Variants in KIDINS220 observed in about 807,000 individuals in gnomAD.
The protein encoded by KIDINS220 is kinase D-interacting substrate of 220 kDa.
KIDINS220 carries 63 observed loss-of-function variants against 157.6 expected under a neutral mutation model. That is an observed-to-expected ratio of 0.40 (90% CI 0.33 to 0.49). The LOEUF (loss-of-function observed/expected upper bound fraction) is 0.49. Among genes scored for constraint, KIDINS220 ranks in the 20% least tolerant of loss-of-function variants. The pLI, the probability that KIDINS220 is intolerant of heterozygous loss-of-function variation, is 0.66. For synonymous variants in KIDINS220, 732 were observed against 783.6 expected (o/e 0.93, Z 1.10); for missense variants, 1,772 against 2,171.2 (o/e 0.82, Z 3.65).
intron 15 of KIDINS220, among the ~76,000 whole-genome samples, chr2:8,788,129 T>C (rs925162980): frequency 4.6e-5 from 7 of 152,224 alleles, no homozygotes; most frequent in Non-Finnish European, 1.0e-4. Flanking sequence ...TATGGAAAGG[T>C]GCCTCTGATC....
intron 26 of KIDINS220, among the ~76,000 whole-genome samples, chr2:8,744,388 AATATATATATATAATATATATATATATAT>A (rs1666199957): frequency 3.8e-5 from 1 of 26,160 alleles, no homozygotes; most frequent in African/African-American, 1.9e-4. Flanking sequence ...AAAAAAAAAA[AATATATATATATAATATATATATATATAT>A]ATATATATAT....
chr2:8,829,613 C>T (rs1228162714), intron 1 of KIDINS220, among the ~76,000 whole-genome samples: 2 of 151,964 alleles, frequency 1.3e-5, no homozygotes, highest in South Asian at 4.2e-4. Flanking sequence ...CAGAAAAATG[C>T]TCATGATAGA....
rs577434019 is a variant in KIDINS220, at chr2:8,822,312, T to C, written c.109-3519A>G. Reference sequence around the variant, plus strand: ...AACTAAAACATTTCGAAATCCTCCTTTGAAATTTCCTTTAAAGTCTATTTA... The same window carrying C: ...AACTAAAACATTTCGAAATCCTCCTCTGAAATTTCCTTTAAAGTCTATTTA... On this transcript the variant is annotated intron_variant, in intron 2 of 29. Coordinates refer to ENST00000256707, the MANE Select transcript of KIDINS220 (RefSeq NM_020738.4). Among the ~76,000 whole-genome samples, 43 of 152,312 alleles carry C rather than the reference T, an allele frequency of 2.8e-4. 1 individual carries two copies. The South Asian group carries it at 8.5e-3, about 30-fold the overall frequency.
At chr2:8,764,817 C>G (rs1189576973) in intron 22 of KIDINS220, among the ~76,000 whole-genome samples, 2 of 152,202 alleles carry the variant, frequency 1.3e-5, no homozygotes, top group African/African-American at 2.4e-5. Context: ...ATACCCACTA[C>G]TGCCTAAATA....
At position 8,788,828 on chromosome 2, in the gene KIDINS220, TAA is replaced by T. The variant is rs1471247879; in HGVS notation, c.1622-18_1622-17del. The T allele has an allele frequency of 6.2e-7, 1 of 1,610,362 alleles. No homozygotes were observed. The highest frequency in any genetic ancestry group is 8.5e-7 in the Non-Finnish European group (1 of 1,178,414). On this transcript the variant is annotated splice_polypyrimidine_tract_variant and intron_variant, in intron 14 of 29. Transcript: ENST00000256707. ...TAAATGACAACTGAAATTCACAGTT[TAA>T]AAAAGTTATCCAAAGCAGTCACTAG... is the stretch of plus-strand genomic sequence containing the variant.
In KIDINS220 at chr2:8,744,391, A is replaced by ATC. The variant is rs1558328433; in HGVS notation, c.3585+2753_3585+2754insGA. 3.0e-3 allele frequency among the ~76,000 whole-genome samples: 82 copies of ATC among 27,286 alleles called. 2 individuals are homozygous for ATC. The highest frequency in any genetic ancestry group is 4.8e-3 in the Admixed American group (7 of 1,460). 17.9% of individuals were successfully genotyped at this position (27,286 alleles called of 152,430 possible). ...AAAAAAAAAAAAAAAAAAAAAAAAT[A>ATC]TATATATATAATATATATATATATA... is the stretch of plus-strand genomic sequence containing the variant. On this transcript the variant is annotated intron_variant, in intron 26 of 29. Transcript: ENST00000256707.
At chr2:8,741,269 T>C (rs13023297) in intron 26 of KIDINS220, among the ~76,000 whole-genome samples, 2 of 152,284 alleles carry the variant, frequency 1.3e-5, no homozygotes, top group East Asian at 3.9e-4. Context: ...AGCAATCTTT[T>C]AAAAAACACA....
At chr2:8,770,606 GTTTTT>G in intron 22 of KIDINS220, 59 bp downstream of exon 22, 9 of 719,338 alleles carry the variant, frequency 1.3e-5, no homozygotes, top group Middle Eastern at 3.8e-4. Context: ...CTTTATACGC[GTTTTT>G]TTTTTTTTTT....
intron 2 of KIDINS220, among the ~76,000 whole-genome samples, chr2:8,822,830 G>T (rs1678195646): frequency 6.6e-6 from 1 of 152,080 alleles, no homozygotes; most frequent in African/African-American, 2.4e-5. Context: ...AAAGGACAAA[G>T]ATTTGCCATC....
intron 1 of KIDINS220, 92 bp from the exon 2 acceptor site, chr2:8,827,221 A>G: frequency 1.9e-6 from 1 of 539,614 alleles, no homozygotes; most frequent in East Asian, 3.0e-5. Context: ...AACCTCATGC[A>G]AGGACACCTC....
At chr2:8,808,063 G>A (rs999952308) in intron 6 of KIDINS220, among the ~76,000 whole-genome samples, 1 of 151,774 alleles carries the variant, frequency 6.6e-6, no homozygotes, top group Admixed American at 6.6e-5. Context: ...GGTGGAGGTC[G>A]CAATGAGCCG....
In KIDINS220 at chr2:8,729,578, TTATATAGA is replaced by T. The variant is rs1289303179; in HGVS notation, c.*1134_*1141del. ...AAGTACACTTTTACAGTCACAGCAC[TTATATAGA>T]TATATATATATATTTTACCCTTGCT... On this transcript the variant is annotated 3_prime_UTR_variant, in exon 30 of 30. Transcript: ENST00000256707. 1 of 975,798 alleles carries T rather than the reference TTATATAGA, an allele frequency of 1.0e-6. No homozygotes were observed. Among genetic ancestry groups the T allele is most frequent in the Non-Finnish European group, 1.2e-6 (1 of 821,306 alleles). 60.4% of individuals were successfully genotyped at this position (975,798 alleles called of 1,614,324 possible). A position where few individuals can be genotyped will look rare whatever the true frequency, so the allele number is the denominator to read the frequency against.
At chr2:8,818,203 C>T (rs1170747854) in intron 3 of KIDINS220, among the ~76,000 whole-genome samples, 2 of 152,044 alleles carry the variant, frequency 1.3e-5, no homozygotes, top group East Asian at 3.9e-4. Flanking sequence ...TTCAAATGAT[C>T]ATTCAATTAA....
intron 13 of KIDINS220, among the ~76,000 whole-genome samples, chr2:8,790,771 C>A (rs1335270624): frequency 2.6e-5 from 4 of 152,158 alleles, no homozygotes; most frequent in African/African-American, 9.7e-5. Flanking sequence ...AGCTGGGGCA[C>A]ATGCCAGAGG....
At chr2:8,828,105 C>A (rs994376768) in intron 1 of KIDINS220, among the ~76,000 whole-genome samples, 5 of 152,210 alleles carry the variant, frequency 3.3e-5, no homozygotes, top group African/African-American at 1.2e-4. Flanking sequence ...CAAGATAACT[C>A]TTCAGTGGCA....
chr2:8,731,444 G>A lies in KIDINS220; in HGVS notation c.4592C>T (p.Ser1531Leu). Residue 1531 changes from serine (S) to leucine (L), a missense_variant, in exon 30 of 30, where the codon TCA becomes TTA. Around this residue, in one of 3 missense-constraint regions of KIDINS220, gnomAD observed 793 missense variants for 885.5 expected, o/e 0.90. Transcript: ENST00000256707. The surrounding 1 kb of genome is among the most constrained non-coding windows in gnomAD (Gnocchi z 5.2). ...SDEDESGTEE[S>L]DNTPLLKDDK... ...ATCTTTGAGCAGTGGAGTGTTATCTGATTCTTCTGTGCCAGATTCATCCTC... is the reference window on the plus strand; with the variant it reads ...ATCTTTGAGCAGTGGAGTGTTATCTAATTCTTCTGTGCCAGATTCATCCTC... The A allele has an allele frequency of 6.2e-7, 1 of 1,614,178 alleles. No homozygotes were observed. Among genetic ancestry groups the A allele is most frequent in the Non-Finnish European group, 8.5e-7 (1 of 1,180,042 alleles).
At chr2:8,833,627 G>T (rs574151032) in intron 1 of KIDINS220, among the ~76,000 whole-genome samples, 1 of 152,102 alleles carries the variant, frequency 6.6e-6, no homozygotes, top group South Asian at 2.1e-4. Flanking sequence ...TAGCTTAATA[G>T]CTGGCCCATA....
chr2:8,824,090 C>CATATT (rs1678403818), intron 2 of KIDINS220, among the ~76,000 whole-genome samples: 1 of 151,926 alleles, frequency 6.6e-6, no homozygotes, highest in Admixed American at 6.6e-5. Flanking sequence ...GGAATTCAGT[C>CATATT]ATTTACTCAT....
intron 6 of KIDINS220, among the ~76,000 whole-genome samples, chr2:8,811,352 G>A (rs1426883862): frequency 6.6e-6 from 1 of 151,084 alleles, no homozygotes; most frequent in African/African-American, 2.4e-5. Flanking sequence ...CTAGTGGTAA[G>A]AAGGATGTGG....
Sources: gnomAD v4.1 joint callset for allele counts (sites outside exome capture counted in the v4.1 genomes callset) on GRCh38, gnomAD v4.1.1 for gene constraint, gnomAD v4.1.1 regional missense constraint, Gnocchi (gnomAD v3.1) non-coding constraint, MANE v1.5 for transcripts, NCBI Gene and HGNC (gene_info 2026-07-23, HGNC 2026-07-21) for gene names.